Variants in TEP1 observed in about 807,000 individuals in gnomAD.
TEP1 encodes telomerase associated protein 1.
Under a neutral mutation model 306.3 loss-of-function variants are expected in TEP1, and 241 were observed. The ratio of observed to expected loss-of-function variants is 0.79; its 90% confidence interval spans 0.71 to 0.88. The LOEUF is 0.88. Among genes scored for constraint, TEP1 ranks in the 40% least tolerant of loss-of-function variants. The pLI is 0.00. For synonymous variants in TEP1, 1,289 were observed against 1,305.5 expected, an observed-to-expected ratio of 0.99 and a Z score of 0.27; for missense variants, 3,051 against 3,276.1, an observed-to-expected ratio of 0.93 and a Z score of 1.68.
Position 20,391,007 on chromosome 14 carries a change from C to A in TEP1, c.2187G>T (p.Leu729=). ...CTTCTGCCTTAAGCACTGCAGTCTT[C>A]AGAGTGTCACCTCCACACAGCACGA... The part of the protein sequence containing the change: ...VDVVLCGGDT[L]KTAVLKAEEG... The change falls in exon 14 of 55, where the codon CTG becomes CTT. Residue 729 remains leucine (L), a synonymous_variant. Coordinates refer to ENST00000262715, the MANE Select transcript of TEP1 (RefSeq NM_007110.5). 6.2e-7 allele frequency: 1 copy of A among 1,614,164 alleles called. No individual in the cohort carries two copies. The highest frequency in any genetic ancestry group is 8.5e-7 in the Non-Finnish European group (1 of 1,180,024).
chr14:20,411,136 C>A (rs1030282740), intron 1 of TEP1, among the ~76,000 whole-genome samples: 2 of 152,078 alleles, frequency 1.3e-5, no homozygotes, highest in Non-Finnish European at 2.9e-5. Flanking sequence ...TTTCTCTTTA[C>A]TGAAATACAA....
intron 20 of TEP1, 99 bp downstream of exon 20, chr14:20,385,976 G>A: frequency 6.8e-7 from 1 of 1,466,634 alleles, no homozygotes; most frequent in Non-Finnish European, 9.0e-7. Context: ...GGACCTGCCT[G>A]TTCATAGTTG....
chr14:20,383,050 G>T, intron 27 of TEP1, 124 bp downstream of exon 27: 1 of 1,155,522 alleles, frequency 8.7e-7, no homozygotes, highest in Non-Finnish European at 1.2e-6. Flanking sequence ...ACTTCCCATG[G>T]ACAGAATTTC....
At chr14:20,374,934 A>G (rs578252250) in intron 43 of TEP1, among the ~76,000 whole-genome samples, 1 of 152,150 alleles carries the variant, frequency 6.6e-6, no homozygotes, top group East Asian at 2.0e-4. Context: ...TACTAAAAAT[A>G]CAAAAAATTA....
At chr14:20,373,959 G>T in intron 44 of TEP1, 149 bp from the exon 45 acceptor site, 1 of 1,013,860 alleles carries the variant, frequency 9.9e-7, no homozygotes. Context: ...GGGTGGCTCA[G>T]GACAGTGGGG....
chr14:20,383,254 C>G lies in TEP1; in HGVS notation c.3967G>C (p.Ala1323Pro). 1 of 1,613,998 alleles carries G rather than the reference C, an allele frequency of 6.2e-7. No homozygotes were observed. Among genetic ancestry groups the G allele is most frequent in the South Asian group, 1.1e-5 (1 of 91,038 alleles). The change falls in exon 27 of 55, where the codon GCC becomes CCC. Residue 1323 changes from alanine to proline, a missense_variant. Physicochemically the swap from Ala to Pro is conservative, Grantham distance 27. This residue lies in a region of TEP1 where 1,540 missense variants were observed against 1,705.9 expected (regional missense o/e 0.90). Coordinates refer to ENST00000262715, the MANE Select transcript of TEP1 (RefSeq NM_007110.5). ...CTCACCAGCCGGGCCCGAGCAGAGG[C>G]CTCCAGAGGCCCCAAGGCCAGCACG... is the stretch of plus-strand genomic sequence containing the variant. ...AHVLALGPLE[A>P]SARARLVREE...
In TEP1 at chr14:20,388,204, C is replaced by T; in HGVS notation, c.2526-141G>A. The T allele has an allele frequency of 5.0e-6, 4 of 803,352 alleles. No individual in the cohort carries two copies. In the Admixed American group the frequency reaches 1.2e-4, roughly 23 times the overall value. The allele number at this position is 803,352 out of a possible 1,614,324, so 49.8% of individuals were successfully genotyped here. ...AGCTCCTTAAGAAGAGGACCATAAGCAGTTTATGCAGACTTAAAATAAATG... is the reference window on the plus strand; with the variant it reads ...AGCTCCTTAAGAAGAGGACCATAAGTAGTTTATGCAGACTTAAAATAAATG... On this transcript the variant is annotated intron_variant, in intron 17 of 54. Coordinates refer to ENST00000262715, the MANE Select transcript of TEP1 (RefSeq NM_007110.5).
chr14:20,371,765 C>G, intron 49 of TEP1, 133 bp from the exon 50 acceptor site: 1 of 1,142,044 alleles, frequency 8.8e-7, no homozygotes, highest in Non-Finnish European at 1.2e-6. Context: ...AAATCCTGTT[C>G]CACTTTCTGG....
Position 20,408,306 on chromosome 14 carries a change from A to G in TEP1, c.134T>C (p.Leu45Pro). 1 of 1,612,616 alleles carries G rather than the reference A, an allele frequency of 6.2e-7. No homozygotes were observed. Among genetic ancestry groups the G allele is most frequent in the Non-Finnish European group, 8.5e-7 (1 of 1,179,818 alleles). The part of the protein sequence containing the change: ...HQHVSTHSDI[L>P]SLKNQCLATL... ...GGCTAGGCACTGGTTCTTCAAGGAG[A>G]GGATATCTGAGTGGGTAGATACATG... Residue 45 changes from leucine to proline, a missense_variant, in exon 2 of 55, where the codon CTC (leucine) becomes CCC (proline). Leu to Pro is a moderately conservative substitution (Grantham distance 98, BLOSUM62 -3). Coordinates refer to ENST00000262715, the MANE Select transcript of TEP1 (RefSeq NM_007110.5).
In TEP1 at chr14:20,381,242, C is replaced by G. The variant is rs879143874; in HGVS notation, c.4647+71G>C. On this transcript the variant is annotated intron_variant, in intron 32 of 54. Transcript: ENST00000262715. This position sits in a 1 kb window ranked among gnomAD's most constrained non-coding sequence, Gnocchi z 4.0. The stretch of plus-strand genomic sequence containing the variant: ...GCGGCGGTGATGGTGGAGATGGTAA[C>G]GGGGAGAGGGGTCTCAGAGCAACCA... 6.7e-7 allele frequency: 1 copy of G among 1,484,244 alleles called. No individual in the cohort carries two copies. The highest frequency in any genetic ancestry group is 9.4e-7 in the Non-Finnish European group (1 of 1,062,580). The allele number at this position is 1,484,244 out of a possible 1,614,324, so 91.9% of individuals were successfully genotyped here.
intron 15 of TEP1, 41 bp from the exon 16 acceptor site, chr14:20,389,781 T>A: frequency 6.2e-7 from 1 of 1,611,598 alleles, no homozygotes; most frequent in African/African-American, 1.3e-5. Flanking sequence ...GAAGGGATGC[T>A]AGACAGCCCA....
intron 16 of TEP1, 137 bp downstream of exon 16, chr14:20,389,473 C>G: frequency 6.8e-7 from 1 of 1,467,704 alleles, no homozygotes. Context: ...AAGTATCCAC[C>G]TGAAGTGCAA....
chr14:20,410,300 A>G (rs1016898579), intron 1 of TEP1, among the ~76,000 whole-genome samples: 1 of 151,960 alleles, frequency 6.6e-6, no homozygotes, highest in Admixed American at 6.6e-5. Context: ...CTGTATATAG[A>G]TTTGTCTAAA....
At chr14:20,370,654 C>G (rs1010657405) in intron 51 of TEP1, among the ~76,000 whole-genome samples, 1 of 152,004 alleles carries the variant, frequency 6.6e-6, no homozygotes, top group Non-Finnish European at 1.5e-5. Context: ...ATTCTTGTAC[C>G]CGGCTTTGCA....
intron 9 of TEP1, chr14:20,400,740 T>C (rs1878640035): frequency 2.0e-6 from 1 of 491,086 alleles, no homozygotes; most frequent in South Asian, 2.8e-5. Flanking sequence ...TTTTGTCATA[T>C]GTTGATAAAA....
chr14:20,412,851 GT>G (rs1303052110), intron 1 of TEP1, among the ~76,000 whole-genome samples: 1 of 151,758 alleles, frequency 6.6e-6, no homozygotes, highest in Non-Finnish European at 1.5e-5. Flanking sequence ...AGTAGAGAGG[GT>G]TTTCACCATG....
chr14:20,387,797 A>T (rs1877327028), intron 18 of TEP1, 108 bp downstream of exon 18: 1 of 1,359,964 alleles, frequency 7.4e-7, no homozygotes, highest in East Asian at 2.4e-5. Flanking sequence ...GCATGCCTTC[A>T]TGAAGAGAAC....
chr14:20,402,473 G>A (rs1878831749), intron 7 of TEP1, among the ~76,000 whole-genome samples: 1 of 152,152 alleles, frequency 6.6e-6, no homozygotes. Context: ...CTAATCATCT[G>A]TTTTAATAAC....
chr14:20,378,046 A>C lies in TEP1; in HGVS notation c.5699T>G (p.Leu1900Arg). 1 of 1,613,394 alleles carries C rather than the reference A, an allele frequency of 6.2e-7. No individual in the cohort carries two copies. ...ALFLHAGCQL[L>R]TAGEDGKVQV... ...GACCTTGCCATCCTCTCCAGCCGTCAGTAACTGGCAACCCGCATGCAGGAA... is the reference window on the plus strand; with the variant it reads ...GACCTTGCCATCCTCTCCAGCCGTCCGTAACTGGCAACCCGCATGCAGGAA... The change falls in exon 39 of 55, where the codon CTG becomes CGG. Residue 1900 changes from leucine to arginine, a missense_variant. Around this residue, in one of 3 missense-constraint regions of TEP1, gnomAD observed 1,540 missense variants for 1,705.9 expected, o/e 0.90. Coordinates refer to ENST00000262715, the MANE Select transcript of TEP1 (RefSeq NM_007110.5).
Sources: allele counts gnomAD v4.1 joint callset (sites outside exome capture counted in the v4.1 genomes callset), GRCh38; gene constraint gnomAD v4.1.1; regional missense constraint gnomAD v4.1.1; non-coding constraint Gnocchi (gnomAD v3.1); transcripts MANE v1.5; gene names NCBI Gene and HGNC (gene_info 2026-07-23, HGNC 2026-07-21).